The following BEND7 variants were observed in gnomAD, a reference collection of about 807,000 sequenced individuals.
The protein encoded by BEND7 is BEN domain-containing protein 7.
BEND7 carries 28 observed loss-of-function variants against 50.9 expected under a neutral mutation model. The ratio of observed to expected loss-of-function variants is 0.55; its 90% confidence interval spans 0.41 to 0.75. The LOEUF (loss-of-function observed/expected upper bound fraction) is 0.75, where lower values mean the gene tolerates loss of function less well. Ranked by LOEUF, BEND7 falls within the 30% of genes least tolerant of loss-of-function variation. The pLI, the probability that BEND7 is intolerant of heterozygous loss-of-function variation, is 0.00. For synonymous variants in BEND7, 170 were observed against 183.9 expected, an observed-to-expected ratio of 0.92 and a Z score of 0.61; for missense variants, 477 against 491.3, an observed-to-expected ratio of 0.97 and a Z score of 0.28.
At chr10:13,474,789 G>A (rs561730092) in intron 6 of BEND7, among the ~76,000 whole-genome samples, 1 of 152,306 alleles carries the variant, frequency 6.6e-6, no homozygotes, top group South Asian at 2.1e-4. Context: ...TGTTGGACTC[G>A]GGTTGATACC....
chr10:13,478,168 C>A (rs1335202931), intron 6 of BEND7, among the ~76,000 whole-genome samples: 1 of 152,150 alleles, frequency 6.6e-6, no homozygotes, highest in African/African-American at 2.4e-5. Context: ...CAGCCCGTGA[C>A]AAAATCTCTC....
rs144315108 is a variant in BEND7 at position 13,448,802 on chromosome 10, C to T, written c.1184-1486G>A. ...CATCCTGGCTAACACAGTAAAACCC[C>T]GTCTCTACTAAAAATACAGAAAATT... is the stretch of plus-strand genomic sequence containing the variant. On this transcript the variant is annotated intron_variant, in intron 7 of 8. Coordinates refer to ENST00000466271, the MANE Select transcript of BEND7 (RefSeq NM_001369863.1). Among the ~76,000 whole-genome samples the T allele has an allele frequency of 9.2e-5, 14 of 152,012 alleles. 1 individual carries two copies. The highest frequency in any genetic ancestry group is 2.1e-4 in the South Asian group (1 of 4,790).
At chr10:13,488,580 C>T (rs1398742244) in intron 5 of BEND7, among the ~76,000 whole-genome samples, 4 of 152,156 alleles carry the variant, frequency 2.6e-5, no homozygotes, top group African/African-American at 9.6e-5. Context: ...CTTCGACTCC[C>T]GGGTTCAAGC....
rs1397457443 is a variant in BEND7 at position 13,441,472 on chromosome 10, C to T, written c.*271G>A. 2.3e-5 allele frequency: 30 copies of T among 1,312,338 alleles called. No individual in the cohort carries two copies. The highest frequency in any genetic ancestry group is 2.4e-5 in the Non-Finnish European group (25 of 1,033,016). 81.3% of individuals were successfully genotyped at this position (1,312,338 alleles called of 1,614,324 possible). A position where few individuals can be genotyped will look rare whatever the true frequency, so the allele number is the denominator to read the frequency against. ...ACACATCTTTGGGTTGAACAAGCTCCACCCGTCCTCAAGTGCTGAACACCC... is the reference window on the plus strand; with the variant it reads ...ACACATCTTTGGGTTGAACAAGCTCTACCCGTCCTCAAGTGCTGAACACCC... On this transcript the variant is annotated 3_prime_UTR_variant, in exon 9 of 9. Coordinates refer to ENST00000466271, the MANE Select transcript of BEND7 (RefSeq NM_001369863.1).
At chr10:13,483,446 T>C (rs1053212537) in intron 5 of BEND7, among the ~76,000 whole-genome samples, 6 of 152,242 alleles carry the variant, frequency 3.9e-5, no homozygotes, top group African/African-American at 1.2e-4. Flanking sequence ...CAAACACCCA[T>C]TGACTGCCCA....
intron 5 of BEND7, among the ~76,000 whole-genome samples, chr10:13,483,802 AT>A (rs1272065307): frequency 6.6e-6 from 1 of 152,206 alleles, no homozygotes. Context: ...CTGAGACAGC[AT>A]CAGGCAGGAC....
chr10:13,529,248 C>T (rs2079584711), upstream of BEND7, among the ~76,000 whole-genome samples: 1 of 149,394 alleles, frequency 6.7e-6, no homozygotes. Context: ...CGCCGCCGCC[C>T]GGGCCTCCGC....
intron 5 of BEND7, among the ~76,000 whole-genome samples, chr10:13,485,645 T>C (rs745735231): frequency 6.6e-5 from 10 of 152,238 alleles, no homozygotes; most frequent in Middle Eastern, 3.2e-3. Flanking sequence ...TACCACTATA[T>C]ACAATGATCT....
At chr10:13,522,122 C>T (rs1031423427) in intron 2 of BEND7, among the ~76,000 whole-genome samples, 12 of 4,328 alleles carry the variant, frequency 2.8e-3, no homozygotes, top group Admixed American at 7.0e-3. Flanking sequence ...GTAAATGGAG[C>T]GCAATGAATT....
intron 6 of BEND7, among the ~76,000 whole-genome samples, chr10:13,471,955 G>C (rs1422588228): frequency 2.0e-5 from 3 of 150,282 alleles, no homozygotes; most frequent in Non-Finnish European, 4.4e-5. Context: ...CATCATCACT[G>C]TTAGACTCGG....
At chr10:13,481,670 A>G (rs1275458236) in intron 5 of BEND7, among the ~76,000 whole-genome samples, 4 of 152,194 alleles carry the variant, frequency 2.6e-5, no homozygotes, top group East Asian at 1.9e-4. Context: ...TTTTTCCCCA[A>G]TGAAAACTTT....
intron 6 of BEND7, among the ~76,000 whole-genome samples, chr10:13,474,460 G>A (rs1001845021): frequency 2.6e-5 from 4 of 152,262 alleles, no homozygotes; most frequent in Admixed American, 2.0e-4. Context: ...TTAGACTCGG[G>A]TCAATACCCG....
At chr10:13,522,832 A>G (rs1041066961) in intron 2 of BEND7, among the ~76,000 whole-genome samples, 1 of 152,184 alleles carries the variant, frequency 6.6e-6, no homozygotes, top group Non-Finnish European at 1.5e-5. Flanking sequence ...TTCCTACTTG[A>G]GAGACCTTGG....
In BEND7 at chr10:13,528,703, G is replaced by C. The variant is rs1253296918; in HGVS notation, c.-170C>G. ...AGGCCGCGGGACGGGAGGAACCACC[G>C]CGAGCCGGCTCGGGGCTGCAGGCGC... On this transcript the variant is annotated 5_prime_UTR_variant, in exon 1 of 9. Coordinates refer to ENST00000466271, the MANE Select transcript of BEND7 (RefSeq NM_001369863.1). 5.6e-6 allele frequency: 1 copy of C among 180,136 alleles called. No individual in the cohort carries two copies. Among genetic ancestry groups the C allele is most frequent in the African/African-American group, 2.4e-5 (1 of 41,276 alleles). 11.2% of individuals were successfully genotyped at this position (180,136 alleles called of 1,614,324 possible). A position where few individuals can be genotyped will look rare whatever the true frequency, so the allele number is the denominator to read the frequency against.
chr10:13,467,084 T>C (rs2074326551), intron 6 of BEND7, among the ~76,000 whole-genome samples: 1 of 152,176 alleles, frequency 6.6e-6, no homozygotes, highest in Non-Finnish European at 1.5e-5. Flanking sequence ...TGCTGGGGCG[T>C]CAGGACAGGG....
In BEND7 at chr10:13,472,809, C is replaced by T. The variant is rs533872124; in HGVS notation, c.1063+8090G>A. Among the ~76,000 whole-genome samples, 73 of 151,450 alleles carry T rather than the reference C, an allele frequency of 4.8e-4. 1 individual carries two copies. The highest frequency in any genetic ancestry group is 3.4e-3 in the Middle Eastern group (1 of 294). On this transcript the variant is annotated intron_variant, in intron 6 of 8. Transcript: ENST00000466271. ...TGCTCTTAGACTCGGGGTTGATACTCGTCATCGCTGTTAGACTCGGGGTTG... is the reference window on the plus strand; with the variant it reads ...TGCTCTTAGACTCGGGGTTGATACTTGTCATCGCTGTTAGACTCGGGGTTG...
At chr10:13,449,528 C>T (rs1229584664) in intron 7 of BEND7, among the ~76,000 whole-genome samples, 1 of 152,178 alleles carries the variant, frequency 6.6e-6, no homozygotes, top group African/African-American at 2.4e-5. Flanking sequence ...AATGTCTGGG[C>T]TATTCGTCTC....
At chr10:13,511,647 T>C (rs2078281795) in intron 2 of BEND7, among the ~76,000 whole-genome samples, 1 of 152,166 alleles carries the variant, frequency 6.6e-6, no homozygotes, top group Non-Finnish European at 1.5e-5. Context: ...TTACAAGTCA[T>C]ATATCCTTAA....
At chr10:13,482,176 C>A (rs905402487) in intron 5 of BEND7, among the ~76,000 whole-genome samples, 3 of 152,230 alleles carry the variant, frequency 2.0e-5, no homozygotes, top group African/African-American at 7.2e-5. Flanking sequence ...TCTCTAGGAT[C>A]TGGCATATAG....
Sources: gnomAD v4.1 joint callset for allele counts (sites outside exome capture counted in the v4.1 genomes callset) on GRCh38, gnomAD v4.1.1 for gene constraint, MANE v1.5 for transcripts, NCBI Gene and HGNC (gene_info 2026-07-23, HGNC 2026-07-21) for gene names.